Variants in PDE10A observed in about 807,000 individuals in gnomAD.
PDE10A encodes phosphodiesterase 10A.
In PDE10A, 39 loss-of-function variants were observed where a neutral mutation model predicts 97.7. That is an observed-to-expected ratio of 0.40 (90% CI 0.31 to 0.52). The LOEUF (loss-of-function observed/expected upper bound fraction) is 0.52. Among genes scored for constraint, PDE10A ranks in the 20% least tolerant of loss-of-function variants. The probability of loss-of-function intolerance (pLI) is 0.56; values close to 1 mark genes in which losing one functional copy is unlikely to be tolerated. For synonymous variants in PDE10A, 371 were observed against 376.8 expected, an observed-to-expected ratio of 0.98 and a Z score of 0.18; for missense variants, 731 against 1,047.8, an observed-to-expected ratio of 0.70 and a Z score of 4.17.
intron 1 of PDE10A, among the ~76,000 whole-genome samples, chr6:165,956,666 A>G (rs1784142242): frequency 6.6e-6 from 1 of 152,104 alleles, no homozygotes; most frequent in Admixed American, 6.5e-5. Context: ...GCCTTTTCCT[A>G]TGTTTCTCAT....
chr6:165,819,148 C>G lies in PDE10A; in HGVS notation c.-615+168381G>C, dbSNP rs375179244. Among the ~76,000 whole-genome samples the G allele has an allele frequency of 6.6e-6, 1 of 152,162 alleles. No homozygotes were observed. Among genetic ancestry groups the G allele is most frequent in the Admixed American group, 6.5e-5 (1 of 15,282 alleles). ...GTATTTCCAAAACCAGTTTTCAAAA[C>G]CGAGTTCATCTCTGCACCTGCTCCC... On this transcript the variant is annotated intron_variant, in intron 1 of 19. Transcript: ENST00000366882. This position sits in a 1 kb window ranked among gnomAD's most constrained non-coding sequence, Gnocchi z 4.2.
intron 1 of PDE10A, among the ~76,000 whole-genome samples, chr6:165,953,550 C>G (rs1312205686): frequency 6.6e-6 from 1 of 151,648 alleles, no homozygotes; most frequent in East Asian, 1.9e-4. Context: ...GAGATTGTGC[C>G]ACTGCACTCC....
chr6:165,873,053 C>T (rs2461730), intron 1 of PDE10A, among the ~76,000 whole-genome samples: 111,865 of 151,596 alleles, frequency 0.74, 41,675 homozygotes, highest in East Asian at 0.96. Context: ...TGGAGACTTC[C>T]AACCCCTCTT....
chr6:165,389,245 C>T (rs1159870234), intron 16 of PDE10A, among the ~76,000 whole-genome samples: 5 of 152,146 alleles, frequency 3.3e-5, no homozygotes, highest in Admixed American at 1.3e-4. Context: ...GCAGTGTTAC[C>T]ATCTTGCTTA....
At chr6:165,602,055 C>A (rs979794806) in intron 1 of PDE10A, among the ~76,000 whole-genome samples, 6 of 152,206 alleles carry the variant, frequency 3.9e-5, no homozygotes, top group African/African-American at 1.4e-4. Flanking sequence ...TCTTTTCATT[C>A]AGCCCTTTTC....
At chr6:165,845,688 T>C (rs1780397369) in intron 1 of PDE10A, among the ~76,000 whole-genome samples, 1 of 152,190 alleles carries the variant, frequency 6.6e-6, no homozygotes, top group Non-Finnish European at 1.5e-5. Context: ...TGAAACCTCA[T>C]AAGGAAAATA....
intron 2 of PDE10A, among the ~76,000 whole-genome samples, chr6:165,530,853 T>C (rs144346375): frequency 2.0e-5 from 3 of 152,314 alleles, no homozygotes; most frequent in Non-Finnish European, 4.4e-5. Flanking sequence ...ACTTCACTGA[T>C]ATTTTCAAAC....
chr6:165,720,191 G>C (rs62424939), intron 1 of PDE10A, among the ~76,000 whole-genome samples: 6 of 152,194 alleles, frequency 3.9e-5, no homozygotes, highest in Admixed American at 6.5e-5. Flanking sequence ...GATGGGGAGA[G>C]GGGGAGAGAG....
intron 13 of PDE10A, among the ~76,000 whole-genome samples, chr6:165,407,408 A>G (rs1787283026): frequency 6.6e-6 from 1 of 152,148 alleles, no homozygotes. Context: ...ACGTGGAGAT[A>G]ATAATAACCA....
intron 1 of PDE10A, among the ~76,000 whole-genome samples, chr6:165,644,295 TCGTGATCTGC>T (rs1789286360): frequency 1.3e-5 from 2 of 152,276 alleles, no homozygotes; most frequent in South Asian, 4.1e-4. Context: ...TCTCCTGACC[TCGTGATCTGC>T]CGGCCTCGGC....
chr6:165,583,669 G>T (rs1289155459), intron 1 of PDE10A, among the ~76,000 whole-genome samples: 1 of 152,112 alleles, frequency 6.6e-6, no homozygotes, highest in Non-Finnish European at 1.5e-5. Flanking sequence ...AAAGAAAAGG[G>T]GTATTTGAAG....
At chr6:165,582,764 G>A (rs144802129) in intron 1 of PDE10A, among the ~76,000 whole-genome samples, 75 of 151,320 alleles carry the variant, frequency 5.0e-4, no homozygotes, top group African/African-American at 1.8e-3. Context: ...CTCTATTTAC[G>A]AACTTTTATC....
intron 1 of PDE10A, among the ~76,000 whole-genome samples, chr6:165,582,767 C>A (rs769184107): frequency 6.6e-6 from 1 of 151,844 alleles, no homozygotes; most frequent in African/African-American, 2.4e-5. Flanking sequence ...TATTTACGAA[C>A]TTTTATCTCT....
chr6:165,825,420 G>T (rs1779711366), intron 1 of PDE10A, among the ~76,000 whole-genome samples: 1 of 152,174 alleles, frequency 6.6e-6, no homozygotes, highest in African/African-American at 2.4e-5. Context: ...CAGGCCTCAA[G>T]CTGTGTGGTC....
chr6:165,369,141 G>C (rs1381180846), intron 18 of PDE10A, among the ~76,000 whole-genome samples: 3 of 152,084 alleles, frequency 2.0e-5, no homozygotes, highest in Non-Finnish European at 2.9e-5. Flanking sequence ...AAACAGAGCA[G>C]AAAAACTGGA....
intron 21 of PDE10A, 139 bp from the exon 22 acceptor site, chr6:165,333,266 G>A (rs572451517): frequency 1.3e-5 from 8 of 631,826 alleles, no homozygotes; most frequent in East Asian, 5.6e-5. Flanking sequence ...TTACCAGCAC[G>A]ACGTGGCCAG....
At chr6:165,578,653 T>TG (rs1785447305) in intron 1 of PDE10A, among the ~76,000 whole-genome samples, 1 of 41,812 alleles carries the variant, frequency 2.4e-5, no homozygotes, top group Admixed American at 3.4e-4. Flanking sequence ...TAAATGCATT[T>TG]ACCCTTTTTG....
At chr6:165,694,623 G>A (rs966639483) in intron 1 of PDE10A, among the ~76,000 whole-genome samples, 1 of 152,240 alleles carries the variant, frequency 6.6e-6, no homozygotes, top group Admixed American at 6.5e-5. Flanking sequence ...CACAGTGGAC[G>A]CTGCTGCCTC....
At chr6:165,632,870 C>A (rs2128415636) in intron 1 of PDE10A, among the ~76,000 whole-genome samples, 1 of 152,266 alleles carries the variant, frequency 6.6e-6, no homozygotes, top group South Asian at 2.1e-4. Context: ...CCTATTAGAG[C>A]TGTATACCCA....
Sources: gnomAD v4.1 joint callset for allele counts (sites outside exome capture counted in the v4.1 genomes callset) on GRCh38, gnomAD v4.1.1 for gene constraint, Gnocchi (gnomAD v3.1) non-coding constraint, MANE v1.5 for transcripts, NCBI Gene and HGNC (gene_info 2026-07-23, HGNC 2026-07-21) for gene names.